Variants in PRKG1 observed in about 807,000 individuals in gnomAD.
The protein encoded by PRKG1 is cGMP-dependent protein kinase 1.
Under a neutral mutation model 88.1 loss-of-function variants are expected in PRKG1, and 35 were observed. The ratio of observed to expected loss-of-function variants is 0.40; its 90% CI spans 0.30 to 0.53. The LOEUF (loss-of-function observed/expected upper bound fraction) is 0.53. Ranked by LOEUF, PRKG1 falls within the 20% of genes least tolerant of loss-of-function variation. The pLI, the probability that PRKG1 is intolerant of heterozygous loss-of-function variation, is 0.59. For synonymous variants in PRKG1, 303 were observed against 292.5 expected, an observed-to-expected ratio of 1.04 and a Z score of -0.37; for missense variants, 540 against 839.8, an observed-to-expected ratio of 0.64 and a Z score of 4.41.
chr10:51,513,967 G>T (rs1191859780), intron 3 of PRKG1, among the ~76,000 whole-genome samples: 3 of 141,640 alleles, frequency 2.1e-5, no homozygotes, highest in Admixed American at 7.3e-5. Context: ...ACATTCAAAA[G>T]CTAGCAGAAG....
At chr10:51,175,853 T>C (rs2132016607) in intron 2 of PRKG1, among the ~76,000 whole-genome samples, 1 of 152,244 alleles carries the variant, frequency 6.6e-6, no homozygotes, top group Admixed American at 6.5e-5. Flanking sequence ...CTGATCCTGT[T>C]TCTGAATGAT....
At chr10:51,249,805 C>A (rs569798996) in intron 2 of PRKG1, among the ~76,000 whole-genome samples, 2 of 151,916 alleles carry the variant, frequency 1.3e-5, no homozygotes, top group African/African-American at 4.8e-5. Flanking sequence ...ATGACAAACA[C>A]TACTATCATT....
At chr10:52,050,575 C>T (rs1317339800) in intron 5 of PRKG1, among the ~76,000 whole-genome samples, 2 of 152,084 alleles carry the variant, frequency 1.3e-5, no homozygotes, top group South Asian at 4.1e-4. Flanking sequence ...CATTACAGTC[C>T]TGGTGTTACG....
chr10:51,947,293 C>A (rs544570022), intron 5 of PRKG1, among the ~76,000 whole-genome samples: 7 of 152,188 alleles, frequency 4.6e-5, no homozygotes, highest in African/African-American at 1.4e-4. Context: ...TCTCCTGGTG[C>A]GCCGTTTTTT....
At chr10:51,576,492 G>T (rs888643721) in intron 3 of PRKG1, among the ~76,000 whole-genome samples, 1 of 151,922 alleles carries the variant, frequency 6.6e-6, no homozygotes, top group Admixed American at 6.6e-5. Context: ...TTCACAAATA[G>T]AGAGGTATAG....
chr10:51,521,983 A>G (rs1841748303), intron 3 of PRKG1, among the ~76,000 whole-genome samples: 1 of 152,204 alleles, frequency 6.6e-6, no homozygotes, highest in East Asian at 1.9e-4. Flanking sequence ...GGAGTCAGAA[A>G]AATCAGCTTA....
At chr10:52,268,601 C>G (rs886610986) in intron 10 of PRKG1, among the ~76,000 whole-genome samples, 1 of 151,940 alleles carries the variant, frequency 6.6e-6, no homozygotes, top group African/African-American at 2.4e-5. Flanking sequence ...CCGTTAAACT[C>G]TGATTTGCAA....
intron 3 of PRKG1, among the ~76,000 whole-genome samples, chr10:51,777,989 T>C (rs1206121868): frequency 6.6e-6 from 1 of 152,210 alleles, no homozygotes; most frequent in South Asian, 2.1e-4. Context: ...GGTTGTACCA[T>C]AGTTTACATA....
chr10:51,127,161 C>T (rs1000074124), intron 1 of PRKG1, among the ~76,000 whole-genome samples: 1 of 152,070 alleles, frequency 6.6e-6, no homozygotes, highest in Non-Finnish European at 1.5e-5. Context: ...AAATTATCAT[C>T]AGGGTGAACA....
At chr10:51,996,237 C>G (rs1370731828) in intron 5 of PRKG1, among the ~76,000 whole-genome samples, 2 of 142,194 alleles carry the variant, frequency 1.4e-5, no homozygotes, top group Admixed American at 7.5e-5. Flanking sequence ...ATCGCTTGAA[C>G]CCGGGCAGTG....
intron 4 of PRKG1, among the ~76,000 whole-genome samples, chr10:51,825,351 T>A (rs539718319): frequency 6.6e-6 from 1 of 152,300 alleles, no homozygotes; most frequent in South Asian, 2.1e-4. Flanking sequence ...TCCTGTTATC[T>A]GATCTTTGTA....
chr10:51,774,910 T>G (rs1403978683), intron 3 of PRKG1, among the ~76,000 whole-genome samples: 1 of 152,178 alleles, frequency 6.6e-6, no homozygotes, highest in Non-Finnish European at 1.5e-5. Flanking sequence ...CATTTGTGTT[T>G]GGTTGGTTGA....
rs7073543 is a variant in PRKG1, at chr10:51,509,796, G to A, written c.592+41960G>A. Among the ~76,000 whole-genome samples the A allele has an allele frequency of 1.0e-2, 1,517 of 152,270 alleles. 32 individuals carry two copies. The highest frequency in any genetic ancestry group is 0.035 in the African/African-American group (1,456 of 41,562). On this transcript the variant is annotated intron_variant, in intron 3 of 17. Transcript: ENST00000373980. Reference sequence around the variant, plus strand: ...CATGAGTAAACCAAAGGCAAAACAGGTGCACATGACTGAACAATGTGAAAT... The same window carrying A: ...CATGAGTAAACCAAAGGCAAAACAGATGCACATGACTGAACAATGTGAAAT...
At chr10:52,173,700 C>A (rs1418710326) in intron 9 of PRKG1, among the ~76,000 whole-genome samples, 1 of 152,084 alleles carries the variant, frequency 6.6e-6, no homozygotes, top group East Asian at 1.9e-4. Flanking sequence ...AGGCAGCCAG[C>A]CTATTCCCTA....
intron 3 of PRKG1, among the ~76,000 whole-genome samples, chr10:51,541,247 C>T (rs758392470): frequency 7.2e-5 from 11 of 152,130 alleles, no homozygotes; most frequent in Non-Finnish European, 4.4e-5. Flanking sequence ...GGTTCGCGCT[C>T]CTATAAGAAT....
At chr10:51,947,117 C>G (rs1310919351) in intron 5 of PRKG1, among the ~76,000 whole-genome samples, 1 of 151,512 alleles carries the variant, frequency 6.6e-6, no homozygotes, top group Non-Finnish European at 1.5e-5. Context: ...GGGCTCCACC[C>G]AGTTCGAGCT....
chr10:52,067,582 T>C (rs1200524468), intron 7 of PRKG1, among the ~76,000 whole-genome samples: 1 of 152,100 alleles, frequency 6.6e-6, no homozygotes, highest in Non-Finnish European at 1.5e-5. Context: ...GATAGTAGAG[T>C]CATAAATTGA....
At chr10:51,883,842 CTAT>C in intron 4 of PRKG1, among the ~76,000 whole-genome samples, 1 of 152,036 alleles carries the variant, frequency 6.6e-6, no homozygotes, top group East Asian at 1.9e-4. Context: ...TATCGTCTTC[CTAT>C]TATTATCCCA....
intron 2 of PRKG1, among the ~76,000 whole-genome samples, chr10:51,181,955 G>A (rs1197430924): frequency 6.6e-6 from 1 of 152,154 alleles, no homozygotes; most frequent in Non-Finnish European, 1.5e-5. Flanking sequence ...AACTACTTCT[G>A]ATGTGGCAGA....
Sources: allele counts gnomAD v4.1 joint callset (sites outside exome capture counted in the v4.1 genomes callset), GRCh38; gene constraint gnomAD v4.1.1; transcripts MANE v1.5; gene names NCBI Gene and HGNC (gene_info 2026-07-23, HGNC 2026-07-21).